GLI2: variants seen among roughly 807,000 people sequenced by gnomAD.
The protein encoded by GLI2 is transcription activator GLI2.
GLI2 carries 22 observed loss-of-function variants against 78.9 expected under a neutral mutation model. The ratio of observed to expected loss-of-function variants is 0.28; its 90% CI spans 0.20 to 0.40. The LOEUF is 0.40. Ranked by LOEUF, GLI2 falls within the 10% of genes least tolerant of loss-of-function variation. The pLI is 1.00. For synonymous variants in GLI2, 974 were observed against 963.7 expected (o/e 1.01, Z -0.20); for missense variants, 2,097 against 2,213.2 (o/e 0.95, Z 1.05).
At position 120,989,573 on chromosome 2, in the gene GLI2, A is replaced by G. The variant is rs760453341; in HGVS notation, c.3608A>G (p.Asn1203Ser). ...CCCTCCCAGGGCATCCCCAGGGTAA[A>G]CTACATGCAGCAGCTGCGACAGCCA... ...GAPSQGIPRV[N>S]YMQQLRQPVA... Residue 1203 changes from asparagine to serine, a missense_variant, in exon 14 of 14, where the codon AAC becomes AGC. Asn to Ser is a conservative substitution (Grantham distance 46). This residue lies in a region of GLI2 where 1,290 missense variants were observed against 1,261.7 expected (regional missense o/e 1.02). Coordinates refer to ENST00000361492, the MANE Select transcript of GLI2 (RefSeq NM_001374353.1). 2.5e-6 allele frequency: 4 copies of G among 1,613,180 alleles called. No homozygotes were observed. Among genetic ancestry groups the G allele is most frequent in the Non-Finnish European group, 3.4e-6 (4 of 1,179,920 alleles).
intron 2 of GLI2, among the ~76,000 whole-genome samples, chr2:120,834,494 CTG>C (rs1686515063): frequency 6.6e-6 from 1 of 152,118 alleles, no homozygotes; most frequent in Non-Finnish European, 1.5e-5. Flanking sequence ...AGTATGGACT[CTG>C]GATCAGTTGG....
rs1301570977 is a variant in GLI2 at position 120,781,711 on chromosome 2, C to T, written c.-30-15580C>T. On this transcript the variant is annotated intron_variant, in intron 1 of 13. Transcript: ENST00000361492. ...CAGCCTGGCCAACATGGGGAAACCC[C>T]GTCTCTACTAAAAATACAAAAATTA... Among the ~76,000 whole-genome samples the T allele has an allele frequency of 3.3e-5, 5 of 152,188 alleles. No individual in the cohort carries two copies. In the East Asian group the frequency reaches 5.8e-4, roughly 18 times the overall value.
At chr2:120,864,069 G>T (rs770936943) in intron 2 of GLI2, among the ~76,000 whole-genome samples, 7 of 152,220 alleles carry the variant, frequency 4.6e-5, no homozygotes, top group Non-Finnish European at 1.0e-4. Flanking sequence ...GGGCTTTGGT[G>T]GAGCCAGGGA....
At position 120,989,539 on chromosome 2, in the gene GLI2, A is replaced by G; in HGVS notation, c.3574A>G (p.Ser1192Gly). Residue 1192 changes from serine to glycine, a missense_variant, in exon 14 of 14, where the codon AGC (serine) becomes GGC (glycine). Coordinates refer to ENST00000361492, the MANE Select transcript of GLI2 (RefSeq NM_001374353.1). ...DSTQPHLQPR[S>G]GAPSQGIPRV... ...CACGCAGCCACACCTGCAGCCCCGCAGCGGAGCCCCCTCCCAGGGCATCCC... is the reference window on the plus strand; with the variant it reads ...CACGCAGCCACACCTGCAGCCCCGCGGCGGAGCCCCCTCCCAGGGCATCCC... 1 of 1,612,522 alleles carries G rather than the reference A, an allele frequency of 6.2e-7. No individual in the cohort carries two copies. Among genetic ancestry groups the G allele is most frequent in the South Asian group, 1.1e-5 (1 of 91,024 alleles).
intron 2 of GLI2, among the ~76,000 whole-genome samples, chr2:120,895,762 T>C (rs1677911225): frequency 6.6e-6 from 1 of 152,164 alleles, no homozygotes; most frequent in South Asian, 2.1e-4. Context: ...TCAGTAAGTT[T>C]CCCTGGGAGG....
At chr2:120,746,116 C>T (rs1355561909) in intron 1 of GLI2, among the ~76,000 whole-genome samples, 2 of 152,212 alleles carry the variant, frequency 1.3e-5, no homozygotes. Context: ...GTTGCTTCTT[C>T]AGTGCCATCT....
At chr2:120,963,473 CT>C (rs1374887393) in intron 5 of GLI2, among the ~76,000 whole-genome samples, 5 of 152,090 alleles carry the variant, frequency 3.3e-5, no homozygotes, top group African/African-American at 1.2e-4. Context: ...GCGCATCCAC[CT>C]GGGGTATGTG....
intron 3 of GLI2, among the ~76,000 whole-genome samples, chr2:120,945,151 C>T (rs763259658): frequency 8.5e-5 from 13 of 152,240 alleles, no homozygotes; most frequent in African/African-American, 1.2e-4. Context: ...GGGGCAAGGA[C>T]CCAATCACAG....
At chr2:120,978,737 C>T (rs1286771557) in intron 10 of GLI2, among the ~76,000 whole-genome samples, 154 bp downstream of exon 10, 1 of 152,192 alleles carries the variant, frequency 6.6e-6, no homozygotes, top group Non-Finnish European at 1.5e-5. Flanking sequence ...CCCACCCTGC[C>T]TGTTTGGGTC....
chr2:120,905,163 G>A (rs571371640), intron 2 of GLI2, among the ~76,000 whole-genome samples: 3 of 152,218 alleles, frequency 2.0e-5, no homozygotes, highest in Admixed American at 2.0e-4. Flanking sequence ...GCTCCCTTGG[G>A]GCCTGCAGTG....
At chr2:120,968,661 C>T in intron 5 of GLI2, 53 bp from the exon 6 acceptor site, 1 of 1,303,074 alleles carries the variant, frequency 7.7e-7, no homozygotes, top group Non-Finnish European at 1.1e-6. Flanking sequence ...CACATGTCAC[C>T]CCCTCCCCCA....
At chr2:120,756,052 A>G (rs1683025848) in intron 1 of GLI2, among the ~76,000 whole-genome samples, 1 of 152,148 alleles carries the variant, frequency 6.6e-6, no homozygotes, top group Admixed American at 6.5e-5. Flanking sequence ...TTTGCATTCT[A>G]GGTCCTTTGC....
rs771240808 is a variant in GLI2 at position 120,927,392 on chromosome 2, G to T, written c.180G>T (p.Ala60=). 6.2e-7 allele frequency: 1 copy of T among 1,613,750 alleles called. No homozygotes were observed. Among genetic ancestry groups the T allele is most frequent in the Non-Finnish European group, 8.5e-7 (1 of 1,179,752 alleles). ...VPQHLLPPFH[A]PLPIDMRHQE... is the part of the protein sequence containing the mutation. ...AGCATCTCTTGCCACCATTCCATGCGCCCCTACCGATTGACATGCGACACC... is the reference window on the plus strand; with the variant it reads ...AGCATCTCTTGCCACCATTCCATGCTCCCCTACCGATTGACATGCGACACC... Residue 60 remains alanine, a synonymous_variant, in exon 3 of 14, where the codon GCG becomes GCT. Coordinates refer to ENST00000361492, the MANE Select transcript of GLI2 (RefSeq NM_001374353.1).
At chr2:120,814,939 G>T (rs1229374954) in intron 2 of GLI2, among the ~76,000 whole-genome samples, 2 of 152,112 alleles carry the variant, frequency 1.3e-5, no homozygotes, top group Admixed American at 1.3e-4. Context: ...TGGTCCTGGA[G>T]ATCCCCTGAG....
chr2:120,906,373 C>G (rs1269570536), intron 2 of GLI2, among the ~76,000 whole-genome samples: 1 of 152,160 alleles, frequency 6.6e-6, no homozygotes, highest in Non-Finnish European at 1.5e-5. Flanking sequence ...GCCCTGGACT[C>G]CAGGCAGGCT....
intron 2 of GLI2, among the ~76,000 whole-genome samples, chr2:120,889,924 C>T (rs1314152005): frequency 6.6e-6 from 1 of 152,200 alleles, no homozygotes; most frequent in Non-Finnish European, 1.5e-5. Context: ...TAAAGGTAAA[C>T]ATACTGCATA....
intron 1 of GLI2, among the ~76,000 whole-genome samples, chr2:120,775,420 G>A (rs905551291): frequency 6.6e-6 from 1 of 152,210 alleles, no homozygotes; most frequent in Admixed American, 6.5e-5. Flanking sequence ...GGTAGTTGGT[G>A]GTGGTGTCAC....
intron 3 of GLI2, among the ~76,000 whole-genome samples, chr2:120,930,391 A>G (rs993115181): frequency 2.0e-5 from 3 of 152,232 alleles, no homozygotes; most frequent in African/African-American, 7.2e-5. Flanking sequence ...GAGTGGGTAG[A>G]TGACTAACCC....
intron 1 of GLI2, among the ~76,000 whole-genome samples, chr2:120,790,859 C>A (rs1294460777): frequency 6.6e-6 from 1 of 152,078 alleles, no homozygotes; most frequent in Non-Finnish European, 1.5e-5. Context: ...CTGGTGGAGT[C>A]CCTGACTGTC....
Sources: allele counts gnomAD v4.1 joint callset (sites outside exome capture counted in the v4.1 genomes callset), GRCh38; gene constraint gnomAD v4.1.1; regional missense constraint gnomAD v4.1.1; transcripts MANE v1.5; gene names NCBI Gene and HGNC (gene_info 2026-07-23, HGNC 2026-07-21).